Variants in CPNE8 observed in about 807,000 individuals in gnomAD.
CPNE8 encodes the protein copine-8.
CPNE8 carries 45 observed loss-of-function variants against 81.5 expected under a neutral mutation model. The ratio of observed to expected loss-of-function variants is 0.55; its 90% CI spans 0.44 to 0.71. The LOEUF (loss-of-function observed/expected upper bound fraction) is 0.71, where lower values mean the gene tolerates loss of function less well. CPNE8 is among the 30% of genes least tolerant of loss of function. CPNE8 has a pLI of 0.00. For synonymous variants in CPNE8, 252 were observed against 226.3 expected (o/e 1.11, Z -1.02); for missense variants, 594 against 672.1 (o/e 0.88, Z 1.28).
chr12:38,829,518 G>T, intron 5 of CPNE8, 63 bp from the exon 6 acceptor site: 1 of 1,118,004 alleles, frequency 8.9e-7, no homozygotes, highest in Non-Finnish European at 1.4e-6. Flanking sequence ...TATATGTTTT[G>T]TACATCATAC....
intron 3 of CPNE8, among the ~76,000 whole-genome samples, chr12:38,856,248 C>T (rs979176107): frequency 1.3e-5 from 2 of 152,080 alleles, no homozygotes; most frequent in Admixed American, 6.5e-5. Context: ...TGGGACTTGA[C>T]GGCTTCTCTG....
intron 1 of CPNE8, among the ~76,000 whole-genome samples, chr12:38,876,274 C>T (rs897557048): frequency 6.6e-6 from 1 of 152,122 alleles, no homozygotes; most frequent in Non-Finnish European, 1.5e-5. Flanking sequence ...TGCAATGGTG[C>T]GATCTCTGTT....
intron 8 of CPNE8, among the ~76,000 whole-genome samples, chr12:38,764,874 G>T (rs377689039): frequency 6.6e-6 from 1 of 152,062 alleles, no homozygotes. Flanking sequence ...GAGAGAGAGA[G>T]AGAGAGAAAA....
intron 6 of CPNE8, among the ~76,000 whole-genome samples, chr12:38,788,531 C>A (rs906486515): frequency 1.3e-5 from 2 of 151,904 alleles, no homozygotes; most frequent in Non-Finnish European, 2.9e-5. Flanking sequence ...GAAAGCCTTT[C>A]CTCTAAGATC....
At chr12:38,857,353 T>C (rs149737660) in intron 3 of CPNE8, among the ~76,000 whole-genome samples, 2 of 152,370 alleles carry the variant, frequency 1.3e-5, no homozygotes, top group East Asian at 3.9e-4. Flanking sequence ...TGTCCTTGTT[T>C]ATTGATTGGC....
chr12:38,666,474 G>GA, intron 19 of CPNE8, among the ~76,000 whole-genome samples: 1 of 152,274 alleles, frequency 6.6e-6, no homozygotes, highest in East Asian at 1.9e-4. Context: ...GGGACAAAGT[G>GA]AAAATTCATC....
rs563169716 is a variant in CPNE8, at chr12:38,865,120, C to A, written c.186+7884G>T. Among the ~76,000 whole-genome samples, 4 of 152,230 alleles carry A rather than the reference C, an allele frequency of 2.6e-5. No individual in the cohort carries two copies. In the East Asian group the frequency reaches 7.7e-4, roughly 29 times the overall value. On this transcript the variant is annotated intron_variant, in intron 3 of 19. Transcript: ENST00000331366. The stretch of plus-strand genomic sequence containing the variant: ...CAAATCAAAAAACAAAGTAGGATAT[C>A]TTTACCCACTAACAAGAATGGAAAT...
intron 1 of CPNE8, among the ~76,000 whole-genome samples, chr12:38,883,328 A>T (rs1261580966): frequency 2.6e-5 from 4 of 152,214 alleles, no homozygotes; most frequent in African/African-American, 9.7e-5. Context: ...GAACAAAATG[A>T]AATGAGCTGC....
chr12:38,660,330 TC>T (rs1938925085), intron 19 of CPNE8, among the ~76,000 whole-genome samples: 1 of 152,148 alleles, frequency 6.6e-6, no homozygotes, highest in African/African-American at 2.4e-5. Context: ...AACCATCTGA[TC>T]TTTGACAAAC....
chr12:38,847,339 T>C (rs1198958618), intron 4 of CPNE8, among the ~76,000 whole-genome samples: 3 of 152,096 alleles, frequency 2.0e-5, no homozygotes, highest in African/African-American at 7.2e-5. Context: ...CCCATGCTGG[T>C]GTAAAAGAAA....
intron 7 of CPNE8, among the ~76,000 whole-genome samples, chr12:38,775,793 C>G (rs578002743): frequency 6.6e-6 from 1 of 152,054 alleles, no homozygotes; most frequent in South Asian, 2.1e-4. Context: ...AGAGATGGAA[C>G]CAATATAAAT....
intron 10 of CPNE8, among the ~76,000 whole-genome samples, chr12:38,749,676 G>T (rs1365738365): frequency 6.6e-6 from 1 of 152,116 alleles, no homozygotes; most frequent in African/African-American, 2.4e-5. Context: ...AACAATTTGT[G>T]GAACTTTGAA....
rs116249764 is a variant in CPNE8, at chr12:38,746,864, G to C, written c.722+13983C>G. 4.7e-3 allele frequency among the ~76,000 whole-genome samples: 713 copies of C among 152,298 alleles called. 5 individuals carry two copies. The highest frequency in any genetic ancestry group is 0.016 in the African/African-American group (663 of 41,562). Reference sequence around the variant, plus strand: ...TAAAAAAGAGATTGAATTTGCATATGACTTAGATGGTTTTTGTCTCCCGAA... The same window carrying C: ...TAAAAAAGAGATTGAATTTGCATATCACTTAGATGGTTTTTGTCTCCCGAA... On this transcript the variant is annotated intron_variant, in intron 10 of 19. Coordinates refer to ENST00000331366, the MANE Select transcript of CPNE8 (RefSeq NM_153634.3).
At chr12:38,797,424 T>A (rs548386009) in intron 6 of CPNE8, among the ~76,000 whole-genome samples, 10 of 152,156 alleles carry the variant, frequency 6.6e-5, no homozygotes, top group Non-Finnish European at 1.2e-4. Context: ...CGGCTGCGGA[T>A]ACCCAGGCAA....
chr12:38,685,451 A>C lies in CPNE8; in HGVS notation c.1271+39T>G, dbSNP rs768031708. 16 of 1,600,966 alleles carry C rather than the reference A, an allele frequency of 1.0e-5. No homozygotes were observed. In the South Asian group the frequency reaches 1.7e-4, roughly 17 times the overall value. On this transcript the variant is annotated intron_variant, in intron 16 of 19. Coordinates refer to ENST00000331366, the MANE Select transcript of CPNE8 (RefSeq NM_153634.3). Reference sequence around the variant, plus strand: ...CAATGTTATGAGTTCACCATGTTCCAGTACATCAGAATAAGCACCTTGTCT... The same window carrying C: ...CAATGTTATGAGTTCACCATGTTCCCGTACATCAGAATAAGCACCTTGTCT...
In CPNE8 at chr12:38,662,453, T is replaced by G. The variant is rs61937753; in HGVS notation, c.1506+8276A>C. On this transcript the variant is annotated intron_variant, in intron 19 of 19. Transcript: ENST00000331366. ...CGTTTAATCAAAGAGGTGAAAGATC[T>G]CTACAATAAAAACTATAAACCACTG... Among the ~76,000 whole-genome samples, 369 of 152,208 alleles carry G rather than the reference T, an allele frequency of 2.4e-3. 4 individuals carry two copies. Among genetic ancestry groups the G allele is most frequent in the South Asian group, 5.8e-3 (28 of 4,816 alleles).
At chr12:38,795,867 G>GATAGATAGATA (rs1942451420) in intron 6 of CPNE8, among the ~76,000 whole-genome samples, 42 of 148,256 alleles carry the variant, frequency 2.8e-4, no homozygotes, top group Middle Eastern at 3.4e-3. Context: ...ATGGATGGAT[G>GATAGATAGATA]GATAGATAGA....
intron 6 of CPNE8, among the ~76,000 whole-genome samples, chr12:38,798,803 T>C (rs183320553): frequency 9.2e-5 from 14 of 152,046 alleles, no homozygotes; most frequent in Middle Eastern, 3.2e-3. Context: ...TCAGGAAACC[T>C]ATCTCACATG....
At chr12:38,669,943 C>G (rs1312039911) in intron 19 of CPNE8, among the ~76,000 whole-genome samples, 1 of 152,068 alleles carries the variant, frequency 6.6e-6, no homozygotes, top group Admixed American at 6.6e-5. Flanking sequence ...GCAGTACAAG[C>G]CTCTGATAAA....
Sources: gnomAD v4.1 joint callset for allele counts (sites outside exome capture counted in the v4.1 genomes callset) on GRCh38, gnomAD v4.1.1 for gene constraint, MANE v1.5 for transcripts, NCBI Gene and HGNC (gene_info 2026-07-23, HGNC 2026-07-21) for gene names.